IREB2: variants seen among roughly 807,000 people sequenced by gnomAD.
IREB2 encodes the protein iron-responsive element-binding protein 2.
In IREB2, 39 loss-of-function variants were observed where a neutral mutation model predicts 118.8. The ratio of observed to expected loss-of-function variants is 0.33; its 90% confidence interval spans 0.25 to 0.43. IREB2 has a LOEUF of 0.43. Among genes scored for constraint, IREB2 ranks in the 20% least tolerant of loss-of-function variants. The probability of loss-of-function intolerance (pLI) is 1.00; values close to 1 mark genes in which losing one functional copy is unlikely to be tolerated. For missense variants in IREB2, 900 were observed against 1,147.3 expected (o/e 0.78, Z 3.11); for synonymous variants, 372 against 392.2 (o/e 0.95, Z 0.61).
chr15:78,453,116 A>G (rs188136289), intron 2 of IREB2, among the ~76,000 whole-genome samples: 2 of 152,346 alleles, frequency 1.3e-5, no homozygotes, highest in Admixed American at 6.5e-5. Context: ...TATTCACTAT[A>G]TAGACATATC....
intron 1 of IREB2, among the ~76,000 whole-genome samples, chr15:78,439,073 G>C (rs2050804302): frequency 6.6e-6 from 1 of 152,120 alleles, no homozygotes; most frequent in African/African-American, 2.4e-5. Context: ...TTCAACCTCA[G>C]GGCTGCCTCC....
chr15:78,462,446 C>A (rs1026054281), intron 2 of IREB2, among the ~76,000 whole-genome samples: 1 of 152,180 alleles, frequency 6.6e-6, no homozygotes, highest in African/African-American at 2.4e-5. Context: ...GAATTTTACT[C>A]ACTCAGGCAT....
upstream of IREB2, chr15:78,437,659 G>A (rs2050772729): frequency 6.5e-6 from 1 of 152,746 alleles, no homozygotes; most frequent in African/African-American, 2.4e-5. Context: ...GAAGGATGGA[G>A]AGGCTTAAGC....
chr15:78,470,503 C>G (rs1047035098), intron 5 of IREB2, 29 bp from the exon 6 acceptor site: 5 of 1,484,792 alleles, frequency 3.4e-6, no homozygotes, highest in Non-Finnish European at 4.6e-6. Flanking sequence ...GTAATACATA[C>G]GTTTAATGCC....
chr15:78,490,639 C>A lies in IREB2; in HGVS notation c.2202C>A (p.Leu734=), dbSNP rs529654740. ...TCTAGACCAAAGAGCCAATTGCACT[C>A]CAGGCTATTGAAAATGCCCATGTCT... ...FDKLTKEPIA[L]QAIENAHVLL... The change falls in exon 18 of 22, where the codon CTC becomes CTA. Residue 734 remains leucine (L), a synonymous_variant. Transcript: ENST00000258886. 1.9e-6 allele frequency: 3 copies of A among 1,614,062 alleles called. No individual in the cohort carries two copies. The South Asian group carries it at 3.3e-5, about 18-fold the overall frequency.
intron 2 of IREB2, among the ~76,000 whole-genome samples, chr15:78,458,868 T>G (rs1469591350): frequency 6.6e-6 from 1 of 152,182 alleles, no homozygotes; most frequent in Non-Finnish European, 1.5e-5. Flanking sequence ...TGGAGTGCAG[T>G]GGCAAGATCA....
intron 10 of IREB2, among the ~76,000 whole-genome samples, chr15:78,479,416 G>A (rs1346298095): frequency 9.0e-6 from 1 of 111,578 alleles, no homozygotes; most frequent in African/African-American, 3.7e-5. Context: ...TTTTTTTTTT[G>A]GTAGAGAGAG....
intron 1 of IREB2, chr15:78,438,763 G>A: frequency 3.6e-6 from 1 of 274,762 alleles, no homozygotes; most frequent in Non-Finnish European, 7.1e-6. Context: ...CGGGTCTCAC[G>A]CAGCTAGATG....
intron 2 of IREB2, among the ~76,000 whole-genome samples, chr15:78,443,788 A>G (rs2050883229): frequency 6.6e-6 from 1 of 152,090 alleles, no homozygotes; most frequent in African/African-American, 2.4e-5. Context: ...CTGGGACTAC[A>G]GGTGTGTGCC....
chr15:78,471,454 T>C (rs2051375298), intron 6 of IREB2, among the ~76,000 whole-genome samples: 1 of 152,242 alleles, frequency 6.6e-6, no homozygotes, highest in Non-Finnish European at 1.5e-5. Flanking sequence ...GCCTTGTACA[T>C]TGAGCCTTTC....
intron 2 of IREB2, 86 bp downstream of exon 2, chr15:78,439,967 T>A: frequency 1.2e-6 from 1 of 819,766 alleles, no homozygotes. Context: ...AAATTTTAAA[T>A]GTATTTCCAC....
intron 2 of IREB2, among the ~76,000 whole-genome samples, chr15:78,452,062 G>A (rs1250771710): frequency 1.3e-5 from 2 of 152,188 alleles, no homozygotes; most frequent in Non-Finnish European, 2.9e-5. Flanking sequence ...ACCACATTTC[G>A]AAAATCACAG....
intron 2 of IREB2, among the ~76,000 whole-genome samples, chr15:78,440,971 T>C (rs1240634636): frequency 6.6e-6 from 1 of 152,210 alleles, no homozygotes; most frequent in East Asian, 1.9e-4. Flanking sequence ...GAAGACTCAT[T>C]ATTCTTTGTG....
chr15:78,466,287 C>T lies in IREB2; in HGVS notation c.427C>T (p.Pro143Ser). 1 of 1,613,072 alleles carries T rather than the reference C, an allele frequency of 6.2e-7. No individual in the cohort carries two copies. Among genetic ancestry groups the T allele is most frequent in the Non-Finnish European group, 8.5e-7 (1 of 1,179,338 alleles). The stretch of plus-strand genomic sequence containing the variant: ...GAATGACAGTGCAATACAGAATGCA[C>T]CAAATCCTGGAGGTGGTGACCTGCA... ...DFSKCAIQNAPNPGGGDLQKA... is the reference protein window; with the variant it reads ...DFSKCAIQNASNPGGGDLQKA... Residue 143 changes from proline to serine, a missense_variant, in exon 5 of 22, where the codon CCA becomes TCA. Transcript: ENST00000258886.
intron 10 of IREB2, among the ~76,000 whole-genome samples, chr15:78,480,790 A>G (rs1432254670): frequency 6.6e-6 from 1 of 151,672 alleles, no homozygotes; most frequent in East Asian, 1.9e-4. Context: ...CAGGCAAATC[A>G]TGAGGTCAGG....
At chr15:78,441,589 C>T (rs2050844960) in intron 2 of IREB2, among the ~76,000 whole-genome samples, 1 of 152,072 alleles carries the variant, frequency 6.6e-6, no homozygotes, top group South Asian at 2.1e-4. Context: ...TAGAAATGTG[C>T]TTACTTGAAG....
At chr15:78,477,313 CAG>C (rs2051488352) in intron 9 of IREB2, among the ~76,000 whole-genome samples, 1 of 152,260 alleles carries the variant, frequency 6.6e-6, no homozygotes, top group South Asian at 2.1e-4. Flanking sequence ...GTAATTCAGA[CAG>C]GGCACAGTGG....
chr15:78,470,151 C>T (rs1205111226), intron 5 of IREB2, among the ~76,000 whole-genome samples: 3 of 152,200 alleles, frequency 2.0e-5, no homozygotes, highest in African/African-American at 7.2e-5. Context: ...CACCCATCTC[C>T]TAGTTTAATT....
chr15:78,494,904 T>G (rs1596017810), intron 20 of IREB2, among the ~76,000 whole-genome samples: 2 of 152,186 alleles, frequency 1.3e-5, no homozygotes, highest in East Asian at 3.9e-4. Context: ...TCCTTTTGAT[T>G]TAATTTTCTC....
Sources: allele counts gnomAD v4.1 joint callset (sites outside exome capture counted in the v4.1 genomes callset), GRCh38; gene constraint gnomAD v4.1.1; transcripts MANE v1.5; gene names NCBI Gene and HGNC (gene_info 2026-07-23, HGNC 2026-07-21).